The following GPR39 variants were observed in gnomAD, a reference collection of about 807,000 sequenced individuals.
GPR39 encodes zinc sensing receptor.
Under a neutral mutation model 18.4 loss-of-function variants are expected in GPR39, and 23 were observed. The ratio of observed to expected loss-of-function variants is 1.25; its 90% CI spans 0.90 to 1.77. The LOEUF (loss-of-function observed/expected upper bound fraction) is 1.77. Ranked by LOEUF, GPR39 falls within the 40% of genes most tolerant of loss-of-function variation. GPR39 has a pLI of 0.00. For missense variants in GPR39, 647 were observed against 602.4 expected (o/e 1.07, Z -0.78); for synonymous variants, 280 against 257.9 (o/e 1.09, Z -0.82).
At chr2:132,605,337 G>A (rs1180746829) in intron 1 of GPR39, among the ~76,000 whole-genome samples, 1 of 152,180 alleles carries the variant, frequency 6.6e-6, no homozygotes, top group African/African-American at 2.4e-5. Context: ...CAGGCATGGA[G>A]GAAAGCCATG....
At chr2:132,558,871 G>GTGTAA (rs1680199513) in intron 1 of GPR39, among the ~76,000 whole-genome samples, 1 of 152,150 alleles carries the variant, frequency 6.6e-6, no homozygotes, top group Non-Finnish European at 1.5e-5. Flanking sequence ...GTTTACACAA[G>GTGTAA]CTTCTTGGCT....
chr2:132,516,147 C>G (rs1458907254), intron 1 of GPR39, among the ~76,000 whole-genome samples: 1 of 152,098 alleles, frequency 6.6e-6, no homozygotes, highest in East Asian at 1.9e-4. Context: ...TCTTGCTCGC[C>G]AGGCTTTTGA....
At chr2:132,493,032 C>CATATATACACTATATATACT (rs1558814941) in intron 1 of GPR39, among the ~76,000 whole-genome samples, 6 of 119,612 alleles carry the variant, frequency 5.0e-5, no homozygotes, top group Admixed American at 8.8e-5. Context: ...ATATATATAC[C>CATATATACACTATATATACT]ATATATATAC....
At chr2:132,575,012 T>G (rs1225066049) in intron 1 of GPR39, among the ~76,000 whole-genome samples, 1 of 152,214 alleles carries the variant, frequency 6.6e-6, no homozygotes, top group Non-Finnish European at 1.5e-5. Context: ...CTTCTGCATA[T>G]TCTGTATCTA....
rs188516318 is a variant in GPR39 at position 132,532,682 on chromosome 2, T to A, written c.857-112419T>A. ...GGGCTTCATCCCTGGGATGCAAGGC[T>A]GTTTCAACATACGAAAATCAATAAA... On this transcript the variant is annotated intron_variant, in intron 1 of 1. Coordinates refer to ENST00000329321, the MANE Select transcript of GPR39 (RefSeq NM_001508.3). Among the ~76,000 whole-genome samples the A allele has an allele frequency of 2.4e-3, 368 of 152,342 alleles. 2 individuals carry two copies. The highest frequency in any genetic ancestry group is 8.5e-3 in the African/African-American group (354 of 41,588).
chr2:132,454,238 T>A (rs375447952), intron 1 of GPR39, among the ~76,000 whole-genome samples: 1 of 152,206 alleles, frequency 6.6e-6, no homozygotes, highest in Admixed American at 6.5e-5. Flanking sequence ...ATTCTCTTTG[T>A]AGCAATTGTG....
intron 1 of GPR39, among the ~76,000 whole-genome samples, chr2:132,508,592 C>G (rs1323134605): frequency 6.6e-6 from 1 of 151,640 alleles, no homozygotes; most frequent in Non-Finnish European, 1.5e-5. Context: ...AAATGACTAA[C>G]AAGCCAGAGG....
intron 1 of GPR39, among the ~76,000 whole-genome samples, chr2:132,526,669 T>C (rs2104771548): frequency 6.6e-6 from 1 of 152,296 alleles, no homozygotes; most frequent in South Asian, 2.1e-4. Flanking sequence ...ACCTGCATAC[T>C]CTGGACTTTC....
rs764635062 is a variant in GPR39 at position 132,645,527 on chromosome 2, T to G, written c.1283T>G (p.Leu428Arg). Residue 428 changes from leucine to arginine, a missense_variant, in exon 2 of 2, where the codon CTC (leucine) becomes CGC (arginine). By Grantham distance (102) the Leu-to-Arg change is moderately radical. Around this residue, in one of 3 missense-constraint regions of GPR39, gnomAD observed 581 missense variants for 506.8 expected, o/e 1.15. Coordinates refer to ENST00000329321, the MANE Select transcript of GPR39 (RefSeq NM_001508.3). Reference sequence around the variant, plus strand: ...CAGTCTAAGTCCCAGTCATTGAGTCTCGAGTCACTAGAGCCCAACTCAGGC... The same window carrying G: ...CAGTCTAAGTCCCAGTCATTGAGTCGCGAGTCACTAGAGCCCAACTCAGGC... ...EPQSKSQSLS[L>R]ESLEPNSGAK... is the part of the protein sequence containing the mutation. The G allele has an allele frequency of 1.9e-6, 3 of 1,614,054 alleles. No individual in the cohort carries two copies. In the African/African-American group the frequency reaches 4.0e-5, roughly 22 times the overall value.
intron 1 of GPR39, among the ~76,000 whole-genome samples, chr2:132,486,049 A>T (rs1573625285): frequency 6.6e-6 from 1 of 152,344 alleles, no homozygotes; most frequent in African/African-American, 2.4e-5. Context: ...ATGTTGTGTT[A>T]ATAGGTATGA....
At chr2:132,497,729 G>A (rs563728679) in intron 1 of GPR39, among the ~76,000 whole-genome samples, 2 of 152,264 alleles carry the variant, frequency 1.3e-5, no homozygotes, top group South Asian at 2.1e-4. Context: ...CCCTGAAGCT[G>A]CCCAAGGAAG....
intron 1 of GPR39, among the ~76,000 whole-genome samples, chr2:132,500,784 A>G (rs995807007): frequency 1.3e-5 from 2 of 152,046 alleles, no homozygotes; most frequent in South Asian, 2.1e-4. Flanking sequence ...CAGAGATTCT[A>G]TATCTTCCTA....
chr2:132,625,343 CT>C (rs113853079), intron 1 of GPR39, among the ~76,000 whole-genome samples: 21 of 152,182 alleles, frequency 1.4e-4, no homozygotes, highest in African/African-American at 4.6e-4. Context: ...GATTATTTAT[CT>C]TTTTTTCTTG....
At chr2:132,460,975 G>T (rs906531094) in intron 1 of GPR39, among the ~76,000 whole-genome samples, 1 of 152,142 alleles carries the variant, frequency 6.6e-6, no homozygotes, top group Non-Finnish European at 1.5e-5. Flanking sequence ...CTTGGCAAGG[G>T]AGTGGACTGA....
At chr2:132,586,882 A>T (rs534679524) in intron 1 of GPR39, among the ~76,000 whole-genome samples, 52 of 152,290 alleles carry the variant, frequency 3.4e-4, no homozygotes, top group African/African-American at 1.2e-3. Context: ...GGAAATGGAG[A>T]TAGTTTAGTT....
At chr2:132,625,362 G>A (rs570769152) in intron 1 of GPR39, among the ~76,000 whole-genome samples, 5 of 152,000 alleles carry the variant, frequency 3.3e-5, no homozygotes, top group South Asian at 4.2e-4. Flanking sequence ...TTGTTGTTTT[G>A]TAGGAATACT....
intron 1 of GPR39, among the ~76,000 whole-genome samples, chr2:132,501,054 G>GTTTTTTTTTTTTTTTTTTTTGTTTTTGTT (rs55720929): frequency 1.1e-5 from 1 of 90,326 alleles, no homozygotes; most frequent in African/African-American, 4.1e-5. Context: ...TATCTTTTGT[G>GTTTTTTTTTTTTTTTTTTTTGTTTTTGTT]TTTTTTTTTT....
chr2:132,639,422 C>T (rs73955765), intron 1 of GPR39, among the ~76,000 whole-genome samples: 1,977 of 152,264 alleles, frequency 0.013, 43 homozygotes, highest in African/African-American at 0.045. Flanking sequence ...CATCAACATA[C>T]CCCTGCACCC....
In GPR39 at chr2:132,567,188, G is replaced by A. The variant is rs551530283; in HGVS notation, c.857-77913G>A. On this transcript the variant is annotated intron_variant, in intron 1 of 1. Transcript: ENST00000329321. ...AATACAAAAATTAACCGGGCATGGC[G>A]GCACATGCCTGTAATCTCAGCTACT... 1.3e-3 allele frequency among the ~76,000 whole-genome samples: 200 copies of A among 152,270 alleles called. 3 individuals are homozygous for A. The highest frequency in any genetic ancestry group is 4.4e-3 in the African/African-American group (182 of 41,556).
Sources: allele counts gnomAD v4.1 joint callset (sites outside exome capture counted in the v4.1 genomes callset), GRCh38; gene constraint gnomAD v4.1.1; regional missense constraint gnomAD v4.1.1; transcripts MANE v1.5; gene names NCBI Gene and HGNC (gene_info 2026-07-23, HGNC 2026-07-21).